Variants in CHN2 observed in about 807,000 individuals in gnomAD.
CHN2 encodes beta-chimaerin.
Under a neutral mutation model 56.3 loss-of-function variants are expected in CHN2, and 35 were observed. The observed-to-expected ratio is 0.62, with a 90% CI of 0.47 to 0.82. The LOEUF (loss-of-function observed/expected upper bound fraction) is 0.82, where lower values mean the gene tolerates loss of function less well. CHN2 is among the 40% of genes least tolerant of loss of function. The pLI is 0.00. For missense variants in CHN2, 491 were observed against 580.5 expected (o/e 0.85, Z 1.58); for synonymous variants, 210 against 212.8 (o/e 0.99, Z 0.12).
intron 6 of CHN2, among the ~76,000 whole-genome samples, chr7:29,407,611 G>A (rs540405288): frequency 6.6e-6 from 1 of 152,138 alleles, no homozygotes; most frequent in Non-Finnish European, 1.5e-5. Context: ...ATGAAGATGA[G>A]CATAACTTAG....
intron 2 of CHN2, among the ~76,000 whole-genome samples, chr7:29,151,892 G>A (rs1391013197): frequency 1.3e-5 from 2 of 152,238 alleles, no homozygotes; most frequent in African/African-American, 4.8e-5. Context: ...TAGCAAGCAG[G>A]TCATTCACTG....
intron 1 of CHN2, among the ~76,000 whole-genome samples, chr7:29,336,872 C>G (rs1377393555): frequency 6.6e-6 from 1 of 151,876 alleles, no homozygotes; most frequent in African/African-American, 2.4e-5. Context: ...TTCTCTCCCT[C>G]CCTGGCACAG....
intron 1 of CHN2, among the ~76,000 whole-genome samples, chr7:29,322,515 G>T (rs1371212171): frequency 6.6e-6 from 1 of 152,166 alleles, no homozygotes. Flanking sequence ...TCACCTAGTA[G>T]GAGTATTGTG....
intron 6 of CHN2, among the ~76,000 whole-genome samples, chr7:29,476,708 C>A (rs1204497306): frequency 6.6e-6 from 1 of 152,128 alleles, no homozygotes; most frequent in Non-Finnish European, 1.5e-5. Context: ...GAATATTTGG[C>A]CATGTCTGGA....
At chr7:29,428,369 G>C (rs1367959193) in intron 6 of CHN2, among the ~76,000 whole-genome samples, 1 of 152,146 alleles carries the variant, frequency 6.6e-6, no homozygotes, top group Non-Finnish European at 1.5e-5. Flanking sequence ...ATGGTCCAAT[G>C]GGGATGTTTC....
chr7:29,422,584 G>A (rs961144047), intron 6 of CHN2, among the ~76,000 whole-genome samples: 10 of 152,164 alleles, frequency 6.6e-5, no homozygotes, highest in Non-Finnish European at 1.2e-4. Context: ...AGTTGCTGAT[G>A]TTTTGAAAAA....
At chr7:29,367,677 CA>C (rs1799273043) in intron 2 of CHN2, among the ~76,000 whole-genome samples, 1 of 152,050 alleles carries the variant, frequency 6.6e-6, no homozygotes, top group Non-Finnish European at 1.5e-5. Flanking sequence ...TGAACAATGC[CA>C]GTAACAATTA....
chr7:29,384,947 T>C (rs1275305787), intron 3 of CHN2, among the ~76,000 whole-genome samples: 1 of 152,200 alleles, frequency 6.6e-6, no homozygotes, highest in Non-Finnish European at 1.5e-5. Context: ...AATTCAAACA[T>C]TAATTCACAT....
In CHN2 at chr7:29,243,438, T is replaced by C. The variant is rs78150220; in HGVS notation, c.49+48448T>C. 6.7e-3 allele frequency among the ~76,000 whole-genome samples: 1,023 copies of C among 152,342 alleles called. 14 individuals carry two copies. The highest frequency in any genetic ancestry group is 0.023 in the African/African-American group (963 of 41,578). The stretch of plus-strand genomic sequence containing the variant: ...CAGCTAAACTGCATGCACTTTTTTT[T>C]CCAAGGGGATTCTATGGGAAGTCCT... On this transcript the variant is annotated intron_variant, in intron 1 of 12. Transcript: ENST00000222792.
intron 6 of CHN2, among the ~76,000 whole-genome samples, chr7:29,421,271 A>T (rs1019677813): frequency 1.3e-5 from 2 of 152,176 alleles, no homozygotes; most frequent in Non-Finnish European, 2.9e-5. Context: ...AGTCAGCCGC[A>T]CTGGGACTGT....
chr7:29,226,129 C>T (rs185357441), intron 1 of CHN2, among the ~76,000 whole-genome samples: 214 of 152,218 alleles, frequency 1.4e-3, no homozygotes, highest in African/African-American at 4.7e-3. Flanking sequence ...GGGGAAAAAA[C>T]ACAGAACAAT....
At chr7:29,294,357 CTTACAG>C (rs368476066) in intron 1 of CHN2, among the ~76,000 whole-genome samples, 76 of 152,080 alleles carry the variant, frequency 5.0e-4, no homozygotes, top group Middle Eastern at 3.4e-3. Context: ...TTATAATTTT[CTTACAG>C]TTACATGATT....
intron 2 of CHN2, among the ~76,000 whole-genome samples, chr7:29,360,831 T>C (rs1798680643): frequency 6.6e-6 from 1 of 152,226 alleles, no homozygotes; most frequent in Non-Finnish European, 1.5e-5. Flanking sequence ...ACCCAGGCTG[T>C]GGGCTTTCAC....
At chr7:29,362,730 G>A (rs1053268448) in intron 2 of CHN2, among the ~76,000 whole-genome samples, 3 of 152,130 alleles carry the variant, frequency 2.0e-5, no homozygotes, top group Non-Finnish European at 4.4e-5. Context: ...CTTCAGGAGA[G>A]CTCCCTGCCT....
intron 1 of CHN2, among the ~76,000 whole-genome samples, chr7:29,322,937 C>T (rs1225584018): frequency 4.6e-5 from 7 of 152,034 alleles, no homozygotes; most frequent in Non-Finnish European, 7.4e-5. Flanking sequence ...CCAAGGATCA[C>T]GAGGTCAAGA....
intron 1 of CHN2, among the ~76,000 whole-genome samples, chr7:29,329,376 CAAAAAAAA>C (rs10667833): frequency 2.4e-4 from 9 of 37,252 alleles, no homozygotes; most frequent in Admixed American, 4.7e-4. Flanking sequence ...TCAGATAAGG[CAAAAAAAA>C]AAAAAAAAAA....
intron 6 of CHN2, among the ~76,000 whole-genome samples, chr7:29,417,232 GAGAAAAGGAAGGA>G (rs779654024): frequency 9.4e-4 from 143 of 151,982 alleles, no homozygotes; most frequent in Non-Finnish European, 1.7e-3. Flanking sequence ...AACATTTGTT[GAGAAAAGGAAGGA>G]AGAAAAAAGG....
At chr7:29,421,828 G>A (rs1804375344) in intron 6 of CHN2, among the ~76,000 whole-genome samples, 1 of 152,158 alleles carries the variant, frequency 6.6e-6, no homozygotes, top group Admixed American at 6.5e-5. Context: ...ACATTAAGAA[G>A]CTATTTGAAC....
chr7:29,274,486 G>C (rs930621641), intron 1 of CHN2, among the ~76,000 whole-genome samples: 1 of 152,130 alleles, frequency 6.6e-6, no homozygotes, highest in Non-Finnish European at 1.5e-5. Flanking sequence ...TATTTCCTGG[G>C]TGCAAAATCA....
Sources: allele counts gnomAD v4.1 joint callset (sites outside exome capture counted in the v4.1 genomes callset), GRCh38; gene constraint gnomAD v4.1.1; transcripts MANE v1.5; gene names NCBI Gene and HGNC (gene_info 2026-07-23, HGNC 2026-07-21).